The following THSD7B variants were observed in gnomAD, a reference collection of about 807,000 sequenced individuals.
THSD7B encodes the protein thrombospondin type-1 domain-containing protein 7B.
THSD7B carries 138 observed loss-of-function variants against 213.6 expected under a neutral mutation model. The ratio of observed to expected loss-of-function variants is 0.65; its 90% CI spans 0.56 to 0.74. The LOEUF (loss-of-function observed/expected upper bound fraction) is 0.74, where lower values mean the gene tolerates loss of function less well. THSD7B is among the 30% of genes least tolerant of loss of function. The pLI, the probability that THSD7B is intolerant of heterozygous loss-of-function variation, is 0.00. For missense variants in THSD7B, 1,931 were observed against 1,991.5 expected, an observed-to-expected ratio of 0.97 and a Z score of 0.58; for synonymous variants, 742 against 687.0, an observed-to-expected ratio of 1.08 and a Z score of -1.25.
chr2:137,646,213 G>A (rs1683028216), intron 21 of THSD7B, among the ~76,000 whole-genome samples: 1 of 152,188 alleles, frequency 6.6e-6, no homozygotes, highest in South Asian at 2.1e-4. Context: ...TTATTGGAAG[G>A]TGATAAGGGC....
chr2:136,897,529 G>C (rs1558843310), intron 2 of THSD7B, among the ~76,000 whole-genome samples: 1 of 152,162 alleles, frequency 6.6e-6, no homozygotes, highest in Non-Finnish European at 1.5e-5. Context: ...ACTCATAAAG[G>C]TAGTGTGGAC....
intron 13 of THSD7B, among the ~76,000 whole-genome samples, chr2:137,411,003 G>A (rs1373626552): frequency 6.6e-6 from 1 of 152,148 alleles, no homozygotes; most frequent in Non-Finnish European, 1.5e-5. Context: ...AAAGTGAATT[G>A]GTAAGGTAAA....
chr2:137,557,149 G>C (rs551866484), intron 15 of THSD7B, among the ~76,000 whole-genome samples: 64 of 151,992 alleles, frequency 4.2e-4, no homozygotes, highest in African/African-American at 1.2e-3. Context: ...AGAAAGTTAA[G>C]AGGGATATCC....
chr2:137,089,381 CTA>C (rs1451981098), intron 3 of THSD7B, among the ~76,000 whole-genome samples: 1 of 96,706 alleles, frequency 1.0e-5, no homozygotes, highest in Non-Finnish European at 1.9e-5. Flanking sequence ...TGTATATATA[CTA>C]GTGTGTATAT....
intron 12 of THSD7B, among the ~76,000 whole-genome samples, chr2:137,288,174 G>A (rs1326967940): frequency 2.6e-5 from 4 of 152,054 alleles, no homozygotes; most frequent in Non-Finnish European, 4.4e-5. Context: ...ACAAGGAGAC[G>A]CCCTTGCTCT....
intron 5 of THSD7B, among the ~76,000 whole-genome samples, chr2:137,149,905 A>T (rs1679781114): frequency 6.6e-6 from 1 of 152,202 alleles, no homozygotes; most frequent in Non-Finnish European, 1.5e-5. Flanking sequence ...GGAATGAGTT[A>T]AGATTTTGAG....
At chr2:136,934,536 T>C (rs954207143) in intron 2 of THSD7B, among the ~76,000 whole-genome samples, 35 of 152,144 alleles carry the variant, frequency 2.3e-4, no homozygotes, top group African/African-American at 8.4e-4. Flanking sequence ...TATTGGCAAA[T>C]GAATCTGTAG....
At chr2:136,965,457 G>A (rs1033703245) in intron 2 of THSD7B, among the ~76,000 whole-genome samples, 3 of 152,188 alleles carry the variant, frequency 2.0e-5, no homozygotes, top group East Asian at 1.9e-4. Context: ...GCCAAGACCT[G>A]GAGGAGAGGA....
At chr2:137,440,469 T>G (rs928539857) in intron 14 of THSD7B, among the ~76,000 whole-genome samples, 5 of 151,918 alleles carry the variant, frequency 3.3e-5, no homozygotes, top group Non-Finnish European at 7.4e-5. Flanking sequence ...TACCTTTTTT[T>G]TTTTTAATTG....
intron 6 of THSD7B, among the ~76,000 whole-genome samples, chr2:137,162,407 G>A (rs1680035809): frequency 6.6e-6 from 1 of 152,096 alleles, no homozygotes; most frequent in African/African-American, 2.4e-5. Context: ...CTGACTGGAG[G>A]ATGTGGGGTT....
At chr2:137,023,792 A>G (rs1686491449) in intron 2 of THSD7B, among the ~76,000 whole-genome samples, 1 of 152,136 alleles carries the variant, frequency 6.6e-6, no homozygotes, top group Non-Finnish European at 1.5e-5. Flanking sequence ...GGCAGTTTGT[A>G]GTTGGAGGAA....
chr2:137,077,273 C>A (rs956360633), intron 3 of THSD7B, among the ~76,000 whole-genome samples: 4 of 152,072 alleles, frequency 2.6e-5, no homozygotes, highest in African/African-American at 9.7e-5. Flanking sequence ...GTGAATAGTG[C>A]CGCAATAAAC....
intron 2 of THSD7B, among the ~76,000 whole-genome samples, chr2:137,014,947 A>T (rs1686309687): frequency 6.6e-6 from 1 of 151,944 alleles, no homozygotes; most frequent in Non-Finnish European, 1.5e-5. Flanking sequence ...CCTCTGTCTC[A>T]GTGTCATACC....
chr2:136,952,726 C>G (rs1558865236), intron 2 of THSD7B, among the ~76,000 whole-genome samples: 3 of 151,778 alleles, frequency 2.0e-5, no homozygotes, highest in African/African-American at 2.4e-5. Flanking sequence ...AAGAGGTATT[C>G]TTTTATTTTT....
In THSD7B at chr2:137,105,773, C is replaced by T. The variant is rs190036620; in HGVS notation, c.1200-9351C>T. On this transcript the variant is annotated intron_variant, in intron 4 of 27. Transcript: ENST00000409968. ...ATAAATCAATAATAAACAGCCAAAT[C>T]ATGAGTGAACTCCCATTCACAGTTG... 4.5e-3 allele frequency among the ~76,000 whole-genome samples: 688 copies of T among 152,164 alleles called. 11 individuals are homozygous for T. The highest frequency in any genetic ancestry group is 0.024 in the Middle Eastern group (7 of 292).
At chr2:137,254,474 G>A (rs1682258549) in intron 10 of THSD7B, among the ~76,000 whole-genome samples, 1 of 152,156 alleles carries the variant, frequency 6.6e-6, no homozygotes, top group Admixed American at 6.5e-5. Context: ...TTGAGTGGAT[G>A]TTTGATTATA....
intron 12 of THSD7B, among the ~76,000 whole-genome samples, chr2:137,395,797 C>A (rs1686167368): frequency 6.6e-6 from 1 of 151,060 alleles, no homozygotes; most frequent in Non-Finnish European, 1.5e-5. Flanking sequence ...TGGTCCTGGA[C>A]TCTTTTTGGT....
intron 15 of THSD7B, among the ~76,000 whole-genome samples, chr2:137,484,218 T>C (rs1688375445): frequency 7.0e-6 from 1 of 142,712 alleles, no homozygotes; most frequent in Admixed American, 7.3e-5. Context: ...CCCCTTCCTG[T>C]GTCCATGTGT....
At chr2:137,245,165 G>GT (rs528580401) in intron 10 of THSD7B, among the ~76,000 whole-genome samples, 169 of 151,912 alleles carry the variant, frequency 1.1e-3, no homozygotes, top group Non-Finnish European at 1.6e-3. Context: ...AATGTATCTT[G>GT]TTTTTTTTCC....
Sources: gnomAD v4.1 joint callset for allele counts (sites outside exome capture counted in the v4.1 genomes callset) on GRCh38, gnomAD v4.1.1 for gene constraint, MANE v1.5 for transcripts, NCBI Gene and HGNC (gene_info 2026-07-23, HGNC 2026-07-21) for gene names.